SCHIP1: variants seen among roughly 807,000 people sequenced by gnomAD.
The protein encoded by SCHIP1 is schwannomin-interacting protein 1.
Under a neutral mutation model 29.7 loss-of-function variants are expected in SCHIP1, and 8 were observed. The ratio of observed to expected loss-of-function variants is 0.27; its 90% CI spans 0.16 to 0.49. SCHIP1 has a LOEUF of 0.49. SCHIP1 is among the 20% of genes least tolerant of loss of function. SCHIP1 has a pLI of 0.99. For synonymous variants in SCHIP1, 76 were observed against 94.9 expected, an observed-to-expected ratio of 0.80 and a Z score of 1.16; for missense variants, 193 against 294.6, an observed-to-expected ratio of 0.66 and a Z score of 2.52.
the SCHIP1 span, among the ~76,000 whole-genome samples, chr3:159,518,302 G>A: frequency 1.3e-5 from 2 of 152,038 alleles, no homozygotes; most frequent in African/African-American, 4.8e-5. Flanking sequence ...GAAGAGAGGA[G>A]GAAGAATGGG....
At chr3:159,676,254 G>A in the SCHIP1 span, among the ~76,000 whole-genome samples, 29 of 152,270 alleles carry the variant, frequency 1.9e-4, no homozygotes, top group African/African-American at 6.7e-4. Context: ...ACAGATGGTA[G>A]GTAGCTTCCT....
chr3:159,686,578 T>C, the SCHIP1 span, among the ~76,000 whole-genome samples: 1 of 152,162 alleles, frequency 6.6e-6, no homozygotes, highest in South Asian at 2.1e-4. Flanking sequence ...GTTTATTATA[T>C]TGAAAGGAAT....
chr3:159,635,072 A>G, the SCHIP1 span, among the ~76,000 whole-genome samples: 3 of 152,188 alleles, frequency 2.0e-5, no homozygotes, highest in African/African-American at 7.2e-5. Flanking sequence ...CTGCAAATCT[A>G]GGCTGTAAAA....
the SCHIP1 span, among the ~76,000 whole-genome samples, chr3:159,631,704 A>G: frequency 2.0e-5 from 3 of 152,274 alleles, no homozygotes; most frequent in East Asian, 5.8e-4. Context: ...CTTAATAGTT[A>G]CAGAATTTCT....
the SCHIP1 span, among the ~76,000 whole-genome samples, chr3:159,487,021 A>G: frequency 6.6e-6 from 1 of 152,210 alleles, no homozygotes; most frequent in African/African-American, 2.4e-5. Flanking sequence ...GAACTCTTGG[A>G]GAATAGACTG....
At chr3:159,626,640 T>C in the SCHIP1 span, among the ~76,000 whole-genome samples, 1 of 152,108 alleles carries the variant, frequency 6.6e-6, no homozygotes, top group Admixed American at 6.6e-5. Flanking sequence ...TTGCCTGGTG[T>C]AGATAGTAGT....
the SCHIP1 span, among the ~76,000 whole-genome samples, chr3:159,503,625 C>A: frequency 1.3e-5 from 2 of 152,110 alleles, no homozygotes; most frequent in Non-Finnish European, 2.9e-5. Context: ...GAGTGTTTAG[C>A]CACATGAGTG....
the SCHIP1 span, among the ~76,000 whole-genome samples, chr3:159,459,486 A>G: frequency 7.9e-5 from 12 of 152,106 alleles, no homozygotes; most frequent in Non-Finnish European, 1.5e-4. Flanking sequence ...CCTTGCCTGA[A>G]AAAGTCTACA....
At chr3:159,494,361 A>T in the SCHIP1 span, among the ~76,000 whole-genome samples, 1 of 152,198 alleles carries the variant, frequency 6.6e-6, no homozygotes, top group Non-Finnish European at 1.5e-5. Context: ...CGCTAGCAAG[A>T]CTAATAAAGA....
At chr3:159,505,305 A>G in the SCHIP1 span, among the ~76,000 whole-genome samples, 4 of 152,302 alleles carry the variant, frequency 2.6e-5, no homozygotes, top group South Asian at 6.2e-4. Flanking sequence ...ATGCAATCCA[A>G]TGGAAATCTC....
chr3:159,333,653 T>C, the SCHIP1 span, among the ~76,000 whole-genome samples: 29 of 152,316 alleles, frequency 1.9e-4, no homozygotes, highest in African/African-American at 6.5e-4. Flanking sequence ...CTCCTACACA[T>C]ATGGGCCTTC....
At chr3:159,295,271 A>AC in the SCHIP1 span, among the ~76,000 whole-genome samples, 1 of 140,766 alleles carries the variant, frequency 7.1e-6, no homozygotes, top group Non-Finnish European at 1.6e-5. Flanking sequence ...AAAAAAAAAA[A>AC]AAAAACAACT....
chr3:159,378,080 A>G, the SCHIP1 span, among the ~76,000 whole-genome samples: 359 of 152,364 alleles, frequency 2.4e-3, 1 homozygote, highest in African/African-American at 7.9e-3. Context: ...AACAATAATG[A>G]AAACTCTTCA....
the SCHIP1 span, among the ~76,000 whole-genome samples, chr3:159,563,513 T>G: frequency 6.6e-6 from 1 of 152,108 alleles, no homozygotes; most frequent in Non-Finnish European, 1.5e-5. Flanking sequence ...GCTACATATA[T>G]AATTATTTTT....
the SCHIP1 span, among the ~76,000 whole-genome samples, chr3:159,276,919 T>C: frequency 3.9e-5 from 6 of 152,202 alleles, no homozygotes; most frequent in African/African-American, 1.4e-4. Flanking sequence ...CCCACTTCCA[T>C]CTTGCCTAAT....
At chr3:159,511,166 G>A in the SCHIP1 span, among the ~76,000 whole-genome samples, 1 of 152,204 alleles carries the variant, frequency 6.6e-6, no homozygotes, top group East Asian at 1.9e-4. Context: ...CCTCAGCAAT[G>A]GTGGGCACCC....
the SCHIP1 span, among the ~76,000 whole-genome samples, chr3:159,810,280 C>T: frequency 1.3e-5 from 2 of 152,024 alleles, no homozygotes; most frequent in African/African-American, 2.4e-5. Flanking sequence ...CTCCTGACCT[C>T]GTGATCTGCC....
At chr3:159,335,726 C>A in the SCHIP1 span, among the ~76,000 whole-genome samples, 1 of 152,154 alleles carries the variant, frequency 6.6e-6, no homozygotes, top group African/African-American at 2.4e-5. Flanking sequence ...GCCACATTTT[C>A]TTAATCCAGT....
the SCHIP1 span, among the ~76,000 whole-genome samples, chr3:159,647,025 G>A: frequency 1.1e-3 from 174 of 152,156 alleles, no homozygotes; most frequent in African/African-American, 4.1e-3. Context: ...AATGGTGTGT[G>A]GTTGTCAGGT....
Sources: allele counts gnomAD v4.1 joint callset (sites outside exome capture counted in the v4.1 genomes callset), GRCh38; gene constraint gnomAD v4.1.1; transcripts MANE v1.5; gene names NCBI Gene and HGNC (gene_info 2026-07-23, HGNC 2026-07-21).